SYT9: variants seen among roughly 807,000 people sequenced by gnomAD.
The protein encoded by SYT9 is synaptotagmin-9.
A neutral mutation model predicts 48.4 loss-of-function variants in SYT9; 22 were observed. The observed-to-expected ratio is 0.45, with a 90% CI of 0.32 to 0.65. The LOEUF (loss-of-function observed/expected upper bound fraction) is 0.65, where lower values mean the gene tolerates loss of function less well. Among genes scored for constraint, SYT9 ranks in the 30% least tolerant of loss-of-function variants. SYT9 has a pLI of 0.03. For synonymous variants in SYT9, 265 were observed against 245.0 expected (o/e 1.08, Z -0.76); for missense variants, 577 against 622.0 (o/e 0.93, Z 0.77).
chr11:7,424,284 A>G lies in SYT9; in HGVS notation c.1467+3649A>G, dbSNP rs546827111. Among the ~76,000 whole-genome samples the G allele has an allele frequency of 2.0e-5, 3 of 152,248 alleles. No individual in the cohort carries two copies. In the South Asian group the frequency reaches 6.2e-4, roughly 32 times the overall value. On this transcript the variant is annotated intron_variant, in intron 6 of 6. Coordinates refer to ENST00000318881, the MANE Select transcript of SYT9 (RefSeq NM_175733.4). ...GCCAGTAGGGCTCCCTTTACTCCCC[A>G]TGATGCCAAAGGTTTGGAAAGCTGT... is the stretch of plus-strand genomic sequence containing the variant.
intron 3 of SYT9, among the ~76,000 whole-genome samples, chr11:7,378,682 T>C (rs977984880): frequency 2.0e-5 from 3 of 152,064 alleles, no homozygotes; most frequent in Admixed American, 6.6e-5. Flanking sequence ...TCTCCACCCA[T>C]GGTAGAATAA....
At position 7,365,182 on chromosome 11, in the gene SYT9, G is replaced by GA. The variant is rs543555062; in HGVS notation, c.1045-50850dup. Reference sequence around the variant, plus strand: ...AAGCATTTTTGTCTTCATGATTGTGGAAAAAAAAAAGCGATGAAATTACTA... The same window carrying GA: ...AAGCATTTTTGTCTTCATGATTGTGGAAAAAAAAAAAGCGATGAAATTACTA... On this transcript the variant is annotated intron_variant, in intron 3 of 6. Transcript: ENST00000318881. Among the ~76,000 whole-genome samples, 177 of 147,274 alleles carry GA rather than the reference G, an allele frequency of 1.2e-3. 1 individual carries two copies. The highest frequency in any genetic ancestry group is 4.3e-3 in the African/African-American group (171 of 40,184).
At chr11:7,339,152 A>G (rs980856055) in intron 3 of SYT9, among the ~76,000 whole-genome samples, 20 of 151,906 alleles carry the variant, frequency 1.3e-4, no homozygotes, top group Non-Finnish European at 1.3e-4. Flanking sequence ...GTCTGTTTTT[A>G]TCTGAAGTTA....
chr11:7,315,589 A>G (rs370037312), intron 3 of SYT9, among the ~76,000 whole-genome samples: 2 of 152,236 alleles, frequency 1.3e-5, no homozygotes, highest in East Asian at 3.8e-4. Context: ...TAGAAAGTTC[A>G]ACGAGGATCT....
chr11:7,283,554 T>C (rs113351234), intron 1 of SYT9, among the ~76,000 whole-genome samples: 50 of 152,266 alleles, frequency 3.3e-4, no homozygotes, highest in African/African-American at 1.2e-3. Flanking sequence ...AAAAGCTCAG[T>C]TAATGTTTTC....
chr11:7,306,627 G>T (rs1034373938), intron 2 of SYT9, among the ~76,000 whole-genome samples: 2 of 152,108 alleles, frequency 1.3e-5, no homozygotes, highest in Admixed American at 6.6e-5. Context: ...CCTCAGCCAG[G>T]AATGCTTTTC....
At chr11:7,300,390 C>A (rs1232012990) in intron 1 of SYT9, among the ~76,000 whole-genome samples, 1 of 152,224 alleles carries the variant, frequency 6.6e-6, no homozygotes, top group African/African-American at 2.4e-5. Flanking sequence ...GTGGCATGGG[C>A]CATATTCACT....
At chr11:7,251,356 T>A (rs1268554005), upstream of SYT9, among the ~76,000 whole-genome samples, 4 of 152,072 alleles carry the variant, frequency 2.6e-5, no homozygotes, top group African/African-American at 7.2e-5. Context: ...CCAGGAATCG[T>A]TTATTTATTT....
intron 3 of SYT9, among the ~76,000 whole-genome samples, chr11:7,406,091 T>G (rs886385727): frequency 3.9e-5 from 6 of 152,168 alleles, no homozygotes; most frequent in Non-Finnish European, 8.8e-5. Flanking sequence ...ATTTATTACA[T>G]GCATAGAATG....
At chr11:7,382,858 A>ACCCTT (rs2134048277) in intron 3 of SYT9, among the ~76,000 whole-genome samples, 1 of 152,272 alleles carries the variant, frequency 6.6e-6, no homozygotes, top group South Asian at 2.1e-4. Flanking sequence ...CTGATCCCAG[A>ACCCTT]CCCTTCCCAT....
At chr11:7,272,526 T>C (rs1848316485) in intron 1 of SYT9, among the ~76,000 whole-genome samples, 1 of 152,160 alleles carries the variant, frequency 6.6e-6, no homozygotes, top group South Asian at 2.1e-4. Context: ...TGTAATGCAA[T>C]CTAGCTATTC....
chr11:7,287,281 C>G (rs973697854), intron 1 of SYT9, among the ~76,000 whole-genome samples: 9 of 152,176 alleles, frequency 5.9e-5, no homozygotes, highest in African/African-American at 1.9e-4. Flanking sequence ...AGAACTCACT[C>G]TCTATCACAA....
chr11:7,445,491 A>G (rs1410396408), intron 6 of SYT9, among the ~76,000 whole-genome samples: 3 of 151,336 alleles, frequency 2.0e-5, no homozygotes, highest in South Asian at 4.2e-4. Context: ...CCCTGACCCT[A>G]CCCTCTCATG....
upstream of SYT9, among the ~76,000 whole-genome samples, chr11:7,251,355 G>C (rs976338529): frequency 6.6e-6 from 1 of 152,044 alleles, no homozygotes; most frequent in African/African-American, 2.4e-5. Context: ...CCCAGGAATC[G>C]TTTATTTATT....
chr11:7,388,404 T>C (rs1850701833), intron 3 of SYT9, among the ~76,000 whole-genome samples: 1 of 152,186 alleles, frequency 6.6e-6, no homozygotes, highest in Non-Finnish European at 1.5e-5. Context: ...CCTTTTTCTG[T>C]CTTGAAAGAG....
chr11:7,298,910 G>A (rs1055386588), intron 1 of SYT9, among the ~76,000 whole-genome samples: 1 of 152,014 alleles, frequency 6.6e-6, no homozygotes, highest in Non-Finnish European at 1.5e-5. Flanking sequence ...TTTTATGCAC[G>A]GTCACCCCCA....
intron 3 of SYT9, among the ~76,000 whole-genome samples, chr11:7,377,966 A>C (rs1446490811): frequency 6.6e-6 from 1 of 152,154 alleles, no homozygotes; most frequent in Non-Finnish European, 1.5e-5. Flanking sequence ...CAAAAGGAAG[A>C]AGATATAGCT....
intron 1 of SYT9, among the ~76,000 whole-genome samples, chr11:7,263,545 A>G (rs1483315849): frequency 1.3e-5 from 2 of 152,196 alleles, no homozygotes; most frequent in South Asian, 2.1e-4. Context: ...GAAGTCAGAG[A>G]AATGTGCAGG....
rs1848665234 is a variant in SYT9 at position 7,289,740 on chromosome 11, T to C, written c.146-13299T>C. ...CTGTGTTGTAATCTTAAGTATTATT[T>C]TTCTTTATTGATCAATGATTTTTAG... On this transcript the variant is annotated intron_variant, in intron 1 of 6. Coordinates refer to ENST00000318881, the MANE Select transcript of SYT9 (RefSeq NM_175733.4). Among the ~76,000 whole-genome samples the C allele has an allele frequency of 2.0e-5, 3 of 152,204 alleles. No individual in the cohort carries two copies. In the South Asian group the frequency reaches 6.2e-4, roughly 32 times the overall value.
Sources: allele counts gnomAD v4.1 joint callset (sites outside exome capture counted in the v4.1 genomes callset), GRCh38; gene constraint gnomAD v4.1.1; transcripts MANE v1.5; gene names NCBI Gene and HGNC (gene_info 2026-07-23, HGNC 2026-07-21).